C2: variants seen among roughly 807,000 people sequenced by gnomAD.
C2 encodes the protein C3/C5 convertase.
C2 carries 64 observed loss-of-function variants against 85.2 expected under a neutral mutation model. The ratio of observed to expected loss-of-function variants is 0.75; its 90% CI spans 0.61 to 0.92. C2 has a LOEUF of 0.92. C2 is among the 40% of genes least tolerant of loss of function. The pLI, the probability that C2 is intolerant of heterozygous loss-of-function variation, is 0.00. For synonymous variants in C2, 311 were observed against 370.8 expected (o/e 0.84, Z 1.85); for missense variants, 820 against 971.6 (o/e 0.84, Z 2.07).
In C2 at chr6:31,943,314, A is replaced by G. The variant is rs145988012; in HGVS notation, c.1450A>G (p.Ile484Val). 357 of 1,612,598 alleles carry G rather than the reference A, an allele frequency of 2.2e-4. 1 individual carries two copies. Among genetic ancestry groups the G allele is most frequent in the Admixed American group, 8.3e-5 (5 of 60,012 alleles). The change falls in exon 11 of 18, where the codon ATT (isoleucine) becomes GTT (valine). Residue 484 changes from isoleucine to valine, a missense_variant. Transcript: ENST00000299367. The surrounding 1 kb of genome is among the most constrained non-coding windows in gnomAD (Gnocchi z 6.4). Reference protein sequence around the residue: ...DQERTPWHVTIKPKSQETCRG... With the variant: ...DQERTPWHVTVKPKSQETCRG... ...GGAGAGGACACCCTGGCATGTCACT[A>G]TTAAGGTACCAGGAAGGAGGGGCAG...
chr6:31,943,960 C>T lies in C2; in HGVS notation c.1777C>T (p.Arg593Trp), dbSNP rs1277447428. Residue 593 changes from arginine to tryptophan, a missense_variant, in exon 14 of 18, where the codon CGG becomes TGG. Physicochemically the swap from Arg to Trp is moderately radical, Grantham distance 101. Coordinates refer to ENST00000299367, the MANE Select transcript of C2 (RefSeq NM_000063.6). The surrounding 1 kb of genome is among the most constrained non-coding windows in gnomAD (Gnocchi z 6.4). ...PCTMEANLAL[R>W]RPQGSTCRDH... ...CACGATGGAGGCCAATCTGGCTCTGCGGAGACCTCAAGGCAGCACCTGTAG... is the reference window on the plus strand; with the variant it reads ...CACGATGGAGGCCAATCTGGCTCTGTGGAGACCTCAAGGCAGCACCTGTAG... The T allele has an allele frequency of 2.4e-5, 38 of 1,612,936 alleles. No individual in the cohort carries two copies. Among genetic ancestry groups the T allele is most frequent in the Non-Finnish European group, 3.1e-5 (36 of 1,179,998 alleles).
chr6:31,937,847 A>T, intron 8 of C2, among the ~76,000 whole-genome samples: 1 of 151,948 alleles, frequency 6.6e-6, no homozygotes, highest in South Asian at 2.1e-4. Flanking sequence ...TACTAAAAAT[A>T]CAAAACCATT....
chr6:31,933,687 C>T lies in C2; in HGVS notation c.520C>T (p.Arg174Cys), dbSNP rs768293464. Residue 174 changes from arginine to cysteine, a missense_variant, in exon 4 of 18, where the codon CGC becomes TGC. Physicochemically the swap from Arg to Cys is radical, Grantham distance 180 (BLOSUM62 -3). Transcript: ENST00000299367. ...CCGCTTTGGTCATGGGGACAAGGTC[C>T]GCTATCGCTGCTCCTCGAATCTTGT... Reference protein sequence around the residue: ...GFRFGHGDKVRYRCSSNLVLT... With the variant: ...GFRFGHGDKVCYRCSSNLVLT... The T allele has an allele frequency of 2.4e-5, 39 of 1,613,162 alleles. No individual in the cohort carries two copies. The highest frequency in any genetic ancestry group is 2.8e-5 in the Non-Finnish European group (33 of 1,180,044).
At chr6:31,907,176 T>G (rs1364222928) in intron 1 of C2, among the ~76,000 whole-genome samples, 4 of 151,602 alleles carry the variant, frequency 2.6e-5, no homozygotes, top group Non-Finnish European at 1.5e-5. Context: ...CATTAGAGTT[T>G]GTAAAATTTT....
chr6:31,935,221 A>C lies in C2; in HGVS notation c.850-702A>C, dbSNP rs895221603. The C allele has an allele frequency of 4.7e-6, 1 of 212,330 alleles. No homozygotes were observed. The highest frequency in any genetic ancestry group is 8.1e-6 in the Non-Finnish European group (1 of 123,248). 13.2% of individuals were successfully genotyped at this position (212,330 alleles called of 1,614,324 possible). ...GACTCAAAATTAAGTAACTCATTGC[A>C]CTGCGAGGCGGCAACACACACCAGT... On this transcript the variant is annotated intron_variant, in intron 6 of 17. Coordinates refer to ENST00000299367, the MANE Select transcript of C2 (RefSeq NM_000063.6). The surrounding 1 kb of genome is among the most constrained non-coding windows in gnomAD (Gnocchi z 4.3).
upstream of C2, chr6:31,897,976 C>T: frequency 1.1e-6 from 1 of 944,222 alleles, no homozygotes; most frequent in Non-Finnish European, 1.3e-6. Context: ...TCTCGGCTCT[C>T]GGCAGCGGCT....
intron 1 of C2, among the ~76,000 whole-genome samples, chr6:31,906,261 G>C (rs528780200): frequency 6.6e-6 from 1 of 152,092 alleles, no homozygotes; most frequent in East Asian, 1.9e-4. Context: ...CAAAGTGCCT[G>C]CACCACTCCC....
rs1196725861 is a variant in C2, at chr6:31,904,533, C to T, written c.73+3394C>T. Among the ~76,000 whole-genome samples, 3 of 151,934 alleles carry T rather than the reference C, an allele frequency of 2.0e-5. No homozygotes were observed. The highest frequency in any genetic ancestry group is 2.9e-5 in the Non-Finnish European group (2 of 68,014). On this transcript the variant is annotated intron_variant, in intron 1 of 3. Coordinates refer to the C2 transcript ENST00000452202. The surrounding 1 kb of genome is among the most constrained non-coding windows in gnomAD (Gnocchi z 4.4). ...TTCACCATGTTGGCCAGGCTGGTCT[C>T]GAACTCCTGACCTCGGGTGATCCAC...
upstream of C2, among the ~76,000 whole-genome samples, chr6:31,917,954 A>G (rs1464547840): frequency 6.6e-6 from 1 of 152,026 alleles, no homozygotes; most frequent in African/African-American, 2.4e-5. Context: ...AAATGTTCTG[A>G]AAAAAGAAAA....
Position 31,927,946 on chromosome 6 carries a change from C to G in C2, c.47-9C>G, listed in dbSNP as rs762200436. On this transcript the variant is annotated splice_polypyrimidine_tract_variant and intron_variant, in intron 1 of 17. Transcript: ENST00000299367. The surrounding 1 kb of genome is among the most constrained non-coding windows in gnomAD (Gnocchi z 4.7). ...CTCCATTGCTGTCTCCTTGTTCCCA[C>G]GGCTCTAGGTCTGGCAGACTCGGCT... 7 of 1,611,954 alleles carry G rather than the reference C, an allele frequency of 4.3e-6. No homozygotes were observed. The highest frequency in any genetic ancestry group is 5.9e-6 in the Non-Finnish European group (7 of 1,178,102).
intron 3 of C2, among the ~76,000 whole-genome samples, chr6:31,931,590 C>G (rs1254775058): frequency 1.3e-5 from 2 of 151,978 alleles, no homozygotes; most frequent in African/African-American, 4.8e-5. Context: ...GTAAGGTCAC[C>G]GATCAACAGG....
rs148890374 is a variant in C2, at chr6:31,906,357, C to A, written c.73+5218C>A. The stretch of plus-strand genomic sequence containing the variant: ...GCTGGCTCCTCCTCCTTCTTCAGAG[C>A]TCCTTATCCCTAGCTCTTCGGAGCC... On this transcript the variant is annotated intron_variant, in intron 1 of 3. Transcript: ENST00000452202. Among the ~76,000 whole-genome samples the A allele has an allele frequency of 1.1e-3, 166 of 152,048 alleles. 1 individual carries two copies. The Middle Eastern group carries it at 0.017, about 16-fold the overall frequency.
At chr6:31,899,977 G>A, upstream of C2, 1 of 1,603,028 alleles carries the variant, frequency 6.2e-7, no homozygotes, top group Non-Finnish European at 8.5e-7. Context: ...GCACGTTCTC[G>A]GCCGTGGTCT....
At chr6:31,929,692 TGAGTGACA>T (rs1386450476) in intron 3 of C2, among the ~76,000 whole-genome samples, 4 of 122,150 alleles carry the variant, frequency 3.3e-5, no homozygotes, top group Non-Finnish European at 6.4e-5. Context: ...CACTCCAGCC[TGAGTGACA>T]GAGTAAGACT....
chr6:31,903,074 A>C (rs962833082), intron 1 of C2, among the ~76,000 whole-genome samples: 8 of 152,116 alleles, frequency 5.3e-5, no homozygotes, highest in Non-Finnish European at 1.2e-4. Flanking sequence ...GACAGCACTT[A>C]GGAGCGTCTT....
chr6:31,903,378 C>T (rs1337607055), intron 1 of C2, among the ~76,000 whole-genome samples: 2 of 152,128 alleles, frequency 1.3e-5, no homozygotes, highest in Admixed American at 6.5e-5. Context: ...GCCTGTAATC[C>T]CAGCACTGTG....
upstream of C2, chr6:31,900,110 T>C (rs1767085521): frequency 1.2e-6 from 2 of 1,612,028 alleles, no homozygotes; most frequent in South Asian, 1.1e-5. This position sits in a 1 kb window ranked among gnomAD's most constrained non-coding sequence, Gnocchi z 9.7. Context: ...AAGGGTGGAC[T>C]TCTGTGTGAA....
At chr6:31,941,836 T>TTTTTTTTTTTTTG (rs1770907845) in intron 9 of C2, 1 of 146,774 alleles carries the variant, frequency 6.8e-6, no homozygotes, top group Non-Finnish European at 1.5e-5. Context: ...TTTTTTTTTT[T>TTTTTTTTTTTTTG]GAGATGGAGT....
At chr6:31,916,160 G>A (rs1768488677), upstream of C2, among the ~76,000 whole-genome samples, 1 of 152,182 alleles carries the variant, frequency 6.6e-6, no homozygotes, top group South Asian at 2.1e-4. Flanking sequence ...TGACAGCAGA[G>A]CTTGAGACAG....
Sources: gnomAD v4.1 joint callset for allele counts (sites outside exome capture counted in the v4.1 genomes callset) on GRCh38, gnomAD v4.1.1 for gene constraint, Gnocchi (gnomAD v3.1) non-coding constraint, MANE v1.5 for transcripts, NCBI Gene and HGNC (gene_info 2026-07-23, HGNC 2026-07-21) for gene names.